CPS1: variants seen among roughly 807,000 people sequenced by gnomAD.
CPS1 encodes carbamoyl-phosphate synthase 1, also known as carbamoyl-phosphate synthase [ammonia], mitochondrial.
In CPS1, 109 loss-of-function variants were observed where a neutral mutation model predicts 174.6. That is an observed-to-expected ratio of 0.62 (90% CI 0.53 to 0.73). The LOEUF (loss-of-function observed/expected upper bound fraction) is 0.73, where lower values mean the gene tolerates loss of function less well. Among genes scored for constraint, CPS1 ranks in the 30% least tolerant of loss-of-function variants. The pLI is 0.00. For missense variants in CPS1, 1,689 were observed against 1,821.9 expected, an observed-to-expected ratio of 0.93 and a Z score of 1.33; for synonymous variants, 637 against 632.0, an observed-to-expected ratio of 1.01 and a Z score of -0.12.
chr2:210,478,659 G>T (rs978680490), intron 1 of CPS1, among the ~76,000 whole-genome samples: 31 of 152,202 alleles, frequency 2.0e-4, no homozygotes, highest in African/African-American at 7.5e-4. Flanking sequence ...GTGATTTGAG[G>T]ATTTAGCTTC....
intron 1 of CPS1, among the ~76,000 whole-genome samples, chr2:210,549,831 T>G (rs1357749933): frequency 6.6e-6 from 1 of 152,042 alleles, no homozygotes; most frequent in Non-Finnish European, 1.5e-5. Context: ...ATATACAATG[T>G]CTGATACATA....
chr2:210,480,338 G>T (rs959988437), intron 1 of CPS1, among the ~76,000 whole-genome samples: 1 of 152,214 alleles, frequency 6.6e-6, no homozygotes, highest in African/African-American at 2.4e-5. Flanking sequence ...GCTGTGAAAT[G>T]AAGTTCTCTG....
intron 1 of CPS1, among the ~76,000 whole-genome samples, chr2:210,564,543 T>C (rs1209894207): frequency 6.6e-6 from 1 of 151,840 alleles, no homozygotes; most frequent in Non-Finnish European, 1.5e-5. Context: ...GCCTGGCTAA[T>C]TTTTTTGTAT....
chr2:210,573,443 T>C (rs992111613), intron 2 of CPS1, 36 bp downstream of exon 2: 2 of 1,458,804 alleles, frequency 1.4e-6, no homozygotes, highest in Non-Finnish European at 9.6e-7. Flanking sequence ...ATTTTTCCTC[T>C]AGTAGAGAAA....
At chr2:210,593,511 T>C in intron 11 of CPS1, 4 of 987,212 alleles carry the variant, frequency 4.1e-6, no homozygotes, top group Non-Finnish European at 4.8e-6. Flanking sequence ...TAAATATTTT[T>C]ACTTTTTTGT....
chr2:210,572,584 T>C (rs1281890832), intron 1 of CPS1, among the ~76,000 whole-genome samples: 1 of 152,060 alleles, frequency 6.6e-6, no homozygotes, highest in Non-Finnish European at 1.5e-5. Flanking sequence ...AGACACTGGC[T>C]CAAAGATTAT....
chr2:210,566,602 A>C (rs1315456296), intron 1 of CPS1, among the ~76,000 whole-genome samples: 1 of 152,208 alleles, frequency 6.6e-6, no homozygotes, highest in Non-Finnish European at 1.5e-5. Flanking sequence ...TGGAAAGCAG[A>C]AATAAAAGTA....
chr2:210,567,485 A>G (rs1697340186), intron 1 of CPS1, among the ~76,000 whole-genome samples: 1 of 152,292 alleles, frequency 6.6e-6, no homozygotes, highest in Admixed American at 6.5e-5. Flanking sequence ...TTGCTGACAT[A>G]CAGTAAAATT....
At position 210,582,474 on chromosome 2, in the gene CPS1, A is replaced by T. The variant is rs189897774; in HGVS notation, c.529-143A>T. 96 of 693,418 alleles carry T rather than the reference A, an allele frequency of 1.4e-4. No individual in the cohort carries two copies. In the Admixed American group the frequency reaches 2.1e-3, roughly 15 times the overall value. 43.0% of individuals were successfully genotyped at this position (693,418 alleles called of 1,614,324 possible). ...ATTGCTTAATCTTTTCAGTTTGAGA[A>T]GATGAAGATCTTCCATGATGGTTAC... On this transcript the variant is annotated intron_variant, in intron 5 of 37. Coordinates refer to ENST00000233072, the MANE Select transcript of CPS1 (RefSeq NM_001875.5).
chr2:210,607,582 C>T lies in CPS1; in HGVS notation c.2192+641C>T, dbSNP rs142099904. Among the ~76,000 whole-genome samples the T allele has an allele frequency of 2.7e-3, 408 of 151,826 alleles. 1 individual carries two copies. The highest frequency in any genetic ancestry group is 4.6e-3 in the Non-Finnish European group (309 of 67,862). The stretch of plus-strand genomic sequence containing the variant: ...TATTTACTTCTTTATATTTTTTTTA[C>T]GTAGTTCCACAGCACTGCGTGGAGT... On this transcript the variant is annotated intron_variant, in intron 18 of 37. Coordinates refer to ENST00000233072, the MANE Select transcript of CPS1 (RefSeq NM_001875.5).
intron 30 of CPS1, 133 bp downstream of exon 30, chr2:210,656,765 C>T: frequency 1.4e-6 from 1 of 700,384 alleles, no homozygotes; most frequent in Non-Finnish European, 2.5e-6. Context: ...ATGAGGCTAA[C>T]TTCCTTGCTC....
chr2:210,496,158 A>G (rs1694986809), intron 1 of CPS1, among the ~76,000 whole-genome samples: 1 of 151,636 alleles, frequency 6.6e-6, no homozygotes. Context: ...TAGCAGGGGC[A>G]CTAGAAGCTT....
chr2:210,569,851 C>T (rs933587725), intron 1 of CPS1, among the ~76,000 whole-genome samples: 8 of 151,942 alleles, frequency 5.3e-5, no homozygotes, highest in African/African-American at 1.9e-4. Context: ...TTGTACTTCC[C>T]CTTTTCAAAG....
chr2:210,479,362 C>T (rs978488024), intron 1 of CPS1, among the ~76,000 whole-genome samples: 1 of 146,106 alleles, frequency 6.8e-6, no homozygotes, highest in Non-Finnish European at 1.5e-5. Context: ...CGGAGTCTCG[C>T]TCTGTTGCCA....
Position 210,595,402 on chromosome 2 carries a change from T to C in CPS1, c.1264-85T>C, listed in dbSNP as rs2106117969. 3.3e-6 allele frequency: 3 copies of C among 914,860 alleles called. No individual in the cohort carries two copies. In the East Asian group the frequency reaches 7.3e-5, roughly 22 times the overall value. 56.7% of individuals were successfully genotyped at this position (914,860 alleles called of 1,614,324 possible). A position where few individuals can be genotyped will look rare whatever the true frequency, so the allele number is the denominator to read the frequency against. Reference sequence around the variant, plus strand: ...TAGATGACCACATAAACTCAGACAATGTGGTTTGTCTTCTCCAATCTTGAA... The same window carrying C: ...TAGATGACCACATAAACTCAGACAACGTGGTTTGTCTTCTCCAATCTTGAA... On this transcript the variant is annotated intron_variant, in intron 12 of 37. Coordinates refer to ENST00000233072, the MANE Select transcript of CPS1 (RefSeq NM_001875.5).
At chr2:210,504,115 G>C (rs1695217382) in intron 1 of CPS1, among the ~76,000 whole-genome samples, 1 of 152,104 alleles carries the variant, frequency 6.6e-6, no homozygotes, top group South Asian at 2.1e-4. Context: ...TTGGTGCCAG[G>C]ATATACCACT....
chr2:210,551,220 A>G (rs1696721770), intron 1 of CPS1, among the ~76,000 whole-genome samples: 1 of 151,904 alleles, frequency 6.6e-6, no homozygotes, highest in Non-Finnish European at 1.5e-5. Context: ...TCAATTTTCC[A>G]AAGTCACTGA....
chr2:210,602,162 C>A, intron 15 of CPS1, 40 bp from the exon 16 acceptor site: 1 of 1,610,264 alleles, frequency 6.2e-7, no homozygotes, highest in Non-Finnish European at 8.5e-7. Flanking sequence ...TGCCAGTGTG[C>A]TCAGCTTTTA....
intron 1 of CPS1, among the ~76,000 whole-genome samples, chr2:210,487,168 A>G (rs191592894): frequency 0.012 from 1,787 of 152,288 alleles, 15 homozygotes; most frequent in Non-Finnish European, 0.019. Context: ...TAAATAAGCT[A>G]TTCTTAACTT....
Sources: allele counts gnomAD v4.1 joint callset (sites outside exome capture counted in the v4.1 genomes callset), GRCh38; gene constraint gnomAD v4.1.1; transcripts MANE v1.5; gene names NCBI Gene and HGNC (gene_info 2026-07-23, HGNC 2026-07-21).